Variants in PEX11G observed in about 807,000 individuals in gnomAD.
PEX11G encodes peroxisomal biogenesis factor 11 gamma.
PEX11G carries 20 observed loss-of-function variants against 22.5 expected under a neutral mutation model. The observed-to-expected ratio is 0.89, with a 90% CI of 0.62 to 1.29. The LOEUF (loss-of-function observed/expected upper bound fraction) is 1.29. Ranked by LOEUF, PEX11G falls within the 50% of genes most tolerant of loss-of-function variation. The probability of loss-of-function intolerance (pLI) is 0.00; values close to 1 mark genes in which losing one functional copy is unlikely to be tolerated. For synonymous variants in PEX11G, 141 were observed against 154.5 expected (o/e 0.91, Z 0.65); for missense variants, 347 against 331.3 (o/e 1.05, Z -0.37).
At chr19:7,485,596 C>T (rs978173334) in intron 2 of PEX11G, among the ~76,000 whole-genome samples, 2 of 151,944 alleles carry the variant, frequency 1.3e-5, no homozygotes, top group Non-Finnish European at 2.9e-5. Context: ...ACCTCGTGAT[C>T]CGCTCGCCTC....
At chr19:7,479,360 T>C (rs1977385399) in intron 3 of PEX11G, among the ~76,000 whole-genome samples, 3 of 152,040 alleles carry the variant, frequency 2.0e-5, no homozygotes, top group Non-Finnish European at 4.4e-5. Flanking sequence ...GGTGGGCGCC[T>C]GTAATCCCAG....
chr19:7,489,044 G>C (rs1429316028), upstream of PEX11G: 1 of 1,489,512 alleles, frequency 6.7e-7, no homozygotes, highest in South Asian at 1.3e-5. Flanking sequence ...ACGTCGGCGC[G>C]CCGCGCCAGG....
chr19:7,491,388 G>A (rs930842392), upstream of PEX11G, among the ~76,000 whole-genome samples: 52 of 150,204 alleles, frequency 3.5e-4, no homozygotes, highest in African/African-American at 1.3e-3. Flanking sequence ...TCCTGCCTCG[G>A]CCTCCCAAGT....
In PEX11G at chr19:7,485,861, T is replaced by TA. The variant is rs770347711; in HGVS notation, c.225dup (p.Lys76Ter). Reference sequence around the variant, plus strand: ...ACCTGTGCCCCCAGGCCATATTGCTTAGTGTAGACAAACATGGCCAGGTCA... The same window carrying TA: ...ACCTGTGCCCCCAGGCCATATTGCTTAAGTGTAGACAAACATGGCCAGGTCA... On this transcript the variant is annotated frameshift_variant, in exon 2 of 5. Transcript: ENST00000221480. LOFTEE classifies it high-confidence loss of function. 1 of 1,609,898 alleles carries TA rather than the reference T, an allele frequency of 6.2e-7. No homozygotes were observed. Among genetic ancestry groups the TA allele is most frequent in the African/African-American group, 1.3e-5 (1 of 75,004 alleles).
intron 2 of PEX11G, 101 bp downstream of exon 2, chr19:7,485,737 G>A: frequency 1.8e-6 from 2 of 1,098,722 alleles, no homozygotes; most frequent in Non-Finnish European, 2.6e-6. Flanking sequence ...ACAAAGTGCT[G>A]GGATTACAAG....
At chr19:7,492,182 C>T (rs924103618), upstream of PEX11G, among the ~76,000 whole-genome samples, 4 of 152,130 alleles carry the variant, frequency 2.6e-5, no homozygotes, top group Non-Finnish European at 4.4e-5. Flanking sequence ...TCCTTTGGGT[C>T]TATACCTAGA....
chr19:7,480,754 C>A (rs976541336), intron 3 of PEX11G, among the ~76,000 whole-genome samples: 1 of 152,170 alleles, frequency 6.6e-6, no homozygotes, highest in African/African-American at 2.4e-5. Flanking sequence ...AAGGACACAG[C>A]CTGCCTGAGG....
At chr19:7,485,797 G>C in intron 2 of PEX11G, 41 bp downstream of exon 2, 1 of 1,537,306 alleles carries the variant, frequency 6.5e-7, no homozygotes, top group African/African-American at 1.4e-5. Context: ...TGTCCACTCA[G>C]GTCCGCACCC....
At chr19:7,482,834 A>G (rs1977558180) in intron 2 of PEX11G, among the ~76,000 whole-genome samples, 1 of 152,204 alleles carries the variant, frequency 6.6e-6, no homozygotes, top group Admixed American at 6.5e-5. Flanking sequence ...GGCCACGCTG[A>G]GGCTCTCAGG....
At position 7,482,193 on chromosome 19, in the gene PEX11G, G is replaced by A. The variant is rs776868486; in HGVS notation, c.268C>T (p.Arg90Cys). ...AGGTTCCCTAGGACGGAGACACAGC[G>A]GACAAAGGCGTCCTCCTCCTGCAGG... ...LGAQEEDAFVRCVSVLGNLAD... is the reference protein window; with the variant it reads ...LGAQEEDAFVCCVSVLGNLAD... The change falls in exon 3 of 5, where the codon CGC becomes TGC. Residue 90 changes from arginine (R) to cysteine (C), a missense_variant. By Grantham distance (180) the Arg-to-Cys change is radical (BLOSUM62 -3). Coordinates refer to ENST00000221480, the MANE Select transcript of PEX11G (RefSeq NM_080662.4). The A allele has an allele frequency of 1.9e-5, 30 of 1,570,436 alleles. No homozygotes were observed. Among genetic ancestry groups the A allele is most frequent in the East Asian group, 4.7e-5 (2 of 42,448 alleles).
intron 2 of PEX11G, 21 bp from the exon 3 acceptor site, chr19:7,482,232 G>A (rs1432644256): frequency 2.6e-6 from 4 of 1,543,190 alleles, no homozygotes; most frequent in East Asian, 4.9e-5. Flanking sequence ...AGGAGCAGAG[G>A]GGGCCTAGGG....
chr19:7,480,633 T>C (rs1273275858), intron 3 of PEX11G, among the ~76,000 whole-genome samples: 1 of 152,226 alleles, frequency 6.6e-6, no homozygotes, highest in Non-Finnish European at 1.5e-5. Flanking sequence ...TTTATCTATT[T>C]TCCAGATTGT....
At chr19:7,484,220 G>C (rs1366160746) in intron 2 of PEX11G, among the ~76,000 whole-genome samples, 1 of 151,954 alleles carries the variant, frequency 6.6e-6, no homozygotes, top group Non-Finnish European at 1.5e-5. Context: ...ACCAGGTGTG[G>C]TGGTGCACCT....
At position 7,488,890 on chromosome 19, in the gene PEX11G, C is replaced by G. The variant is rs906013927; in HGVS notation, c.60+61G>C. Reference sequence around the variant, plus strand: ...ACCCCGTCCCCTCTCTGGCCCGTTTCCCAGTCTCTGAGCTTGGGCCAAACT... The same window carrying G: ...ACCCCGTCCCCTCTCTGGCCCGTTTGCCAGTCTCTGAGCTTGGGCCAAACT... On this transcript the variant is annotated intron_variant, in intron 1 of 4. Coordinates refer to ENST00000221480, the MANE Select transcript of PEX11G (RefSeq NM_080662.4). 5 of 1,521,876 alleles carry G rather than the reference C, an allele frequency of 3.3e-6. No homozygotes were observed. In the African/African-American group the frequency reaches 5.5e-5, roughly 17 times the overall value. The allele number at this position is 1,521,876 out of a possible 1,614,324, so 94.3% of individuals were successfully genotyped here. A position where few individuals can be genotyped will look rare whatever the true frequency, so the allele number is the denominator to read the frequency against.
chr19:7,482,290 CAGAG>C, intron 2 of PEX11G, 79 bp from the exon 3 acceptor site: 1 of 1,424,016 alleles, frequency 7.0e-7, no homozygotes, highest in Admixed American at 2.5e-5. Context: ...TGCCAGGTGG[CAGAG>C]AGCTATTTCC....
At chr19:7,483,868 A>G (rs1664136666) in intron 2 of PEX11G, among the ~76,000 whole-genome samples, 2 of 152,190 alleles carry the variant, frequency 1.3e-5, no homozygotes, top group South Asian at 4.1e-4. Flanking sequence ...GTGGGGGGCA[A>G]GATGGCTCTC....
intron 1 of PEX11G, among the ~76,000 whole-genome samples, chr19:7,486,845 C>T (rs757903663): frequency 6.6e-6 from 1 of 150,644 alleles, no homozygotes; most frequent in African/African-American, 2.4e-5. Flanking sequence ...ATGATCCACC[C>T]GCCTCGGCCT....
intron 4 of PEX11G, among the ~76,000 whole-genome samples, 157 bp downstream of exon 4, chr19:7,478,157 G>A (rs1342468082): frequency 6.6e-6 from 1 of 152,244 alleles, no homozygotes; most frequent in African/African-American, 2.4e-5. Context: ...TTCTCCATCT[G>A]TAAAAGGTAC....
rs1977522096 is a variant in PEX11G at position 7,482,144 on chromosome 19, C to G, written c.317G>C (p.Cys106Ser). The G allele has an allele frequency of 1.9e-6, 3 of 1,594,476 alleles. No homozygotes were observed. The African/African-American group carries it at 4.0e-5, about 21-fold the overall frequency. Reference sequence around the variant, plus strand: ...ATCAGCCGCCCAGGCCACGTGCTCACAGGGGTAGTAGAGCTGGTCAGCCAG... The same window carrying G: ...ATCAGCCGCCCAGGCCACGTGCTCAGAGGGGTAGTAGAGCTGGTCAGCCAG... ...GNLADQLYYP[C>S]EHVAWAADAR... Residue 106 changes from cysteine to serine, a missense_variant, in exon 3 of 5, where the codon TGT becomes TCT. Coordinates refer to ENST00000221480, the MANE Select transcript of PEX11G (RefSeq NM_080662.4).
Sources: gnomAD v4.1 joint callset for allele counts (sites outside exome capture counted in the v4.1 genomes callset) on GRCh38, gnomAD v4.1.1 for gene constraint, MANE v1.5 for transcripts, NCBI Gene and HGNC (gene_info 2026-07-23, HGNC 2026-07-21) for gene names.